SLIT3: variants seen among roughly 807,000 people sequenced by gnomAD.
SLIT3 encodes slit homolog 3 protein.
A neutral mutation model predicts 184.0 loss-of-function variants in SLIT3; 68 were observed. The observed-to-expected ratio is 0.37, with a 90% CI of 0.30 to 0.45. The LOEUF (loss-of-function observed/expected upper bound fraction) is 0.45, where lower values mean the gene tolerates loss of function less well. Ranked by LOEUF, SLIT3 falls within the 20% of genes least tolerant of loss-of-function variation. The pLI is 1.00. For synonymous variants in SLIT3, 831 were observed against 828.6 expected (o/e 1.00, Z -0.05); for missense variants, 1,707 against 2,026.0 (o/e 0.84, Z 3.02).
chr5:169,140,151 T>C (rs1761670032), intron 4 of SLIT3, among the ~76,000 whole-genome samples: 1 of 151,444 alleles, frequency 6.6e-6, no homozygotes, highest in Non-Finnish European at 1.5e-5. Context: ...CAGCTGGAGA[T>C]GGGGCGAAGG....
chr5:169,064,782 C>T (rs988634611), intron 4 of SLIT3, among the ~76,000 whole-genome samples: 1 of 152,156 alleles, frequency 6.6e-6, no homozygotes, highest in South Asian at 2.1e-4. Flanking sequence ...TAGGGATTTG[C>T]TGTTGATGAA....
intron 4 of SLIT3, among the ~76,000 whole-genome samples, chr5:169,052,355 A>ATTATTGCTCAGAGGT (rs1377909381): frequency 9.8e-5 from 15 of 152,296 alleles, no homozygotes; most frequent in African/African-American, 2.6e-4. Context: ...TGAGGCCACA[A>ATTATTGCTCAGAGGT]CAGATTTATA....
intron 4 of SLIT3, among the ~76,000 whole-genome samples, chr5:168,885,874 G>A (rs889193204): frequency 5.3e-5 from 8 of 152,194 alleles, no homozygotes; most frequent in Non-Finnish European, 7.3e-5. Flanking sequence ...TTTGCAATAC[G>A]GTGGGATGAG....
At chr5:168,724,386 A>G (rs1254402080) in intron 21 of SLIT3, 30 bp downstream of exon 21, 1 of 1,592,598 alleles carries the variant, frequency 6.3e-7, no homozygotes, top group Non-Finnish European at 8.6e-7. Flanking sequence ...AGGGAAAAAT[A>G]AACATCCCAC....
intron 5 of SLIT3, among the ~76,000 whole-genome samples, chr5:168,882,087 T>C (rs928764129): frequency 6.6e-6 from 1 of 152,208 alleles, no homozygotes; most frequent in African/African-American, 2.4e-5. Context: ...GCAGATAACC[T>C]GCATCTGGAA....
Position 168,831,294 on chromosome 5 carries a change from G to C in SLIT3, c.558-7963C>G, listed in dbSNP as rs545377466. Among the ~76,000 whole-genome samples, 82 of 151,608 alleles carry C rather than the reference G, an allele frequency of 5.4e-4. 1 individual carries two copies. The highest frequency in any genetic ancestry group is 1.1e-3 in the Non-Finnish European group (76 of 67,904). ...AGGGCATATGAGGCGGGAGGAGTGA[G>C]AGAGATTGGTGGGGGTGGGGGAGAG... On this transcript the variant is annotated intron_variant, in intron 6 of 35. Transcript: ENST00000519560.
At chr5:168,845,229 T>G (rs1758417676) in intron 5 of SLIT3, among the ~76,000 whole-genome samples, 1 of 152,180 alleles carries the variant, frequency 6.6e-6, no homozygotes, top group Non-Finnish European at 1.5e-5. Context: ...TTATAGTCTT[T>G]TTATTATTCT....
At chr5:169,075,316 T>C (rs1365716553) in intron 4 of SLIT3, among the ~76,000 whole-genome samples, 6 of 152,158 alleles carry the variant, frequency 3.9e-5, no homozygotes, top group Admixed American at 3.3e-4. Context: ...TTTTTGCATG[T>C]ATTTTTCCTG....
intron 4 of SLIT3, among the ~76,000 whole-genome samples, chr5:169,006,125 C>T (rs951795073): frequency 6.6e-6 from 1 of 152,168 alleles, no homozygotes; most frequent in South Asian, 2.1e-4. Flanking sequence ...AATCATCCTA[C>T]CAAGTGGTAA....
At chr5:168,774,162 G>T in intron 13 of SLIT3, 73 bp downstream of exon 13, 1 of 1,434,780 alleles carries the variant, frequency 7.0e-7, no homozygotes, top group East Asian at 2.3e-5. Context: ...CCTCATTTGG[G>T]TGTTTTTCAT....
chr5:168,903,847 G>A (rs1279394261), intron 4 of SLIT3, among the ~76,000 whole-genome samples: 1 of 152,128 alleles, frequency 6.6e-6, no homozygotes, highest in Non-Finnish European at 1.5e-5. Flanking sequence ...ATGTAGAATT[G>A]TTTTGTCAAA....
intron 5 of SLIT3, among the ~76,000 whole-genome samples, chr5:168,871,622 A>G (rs915426067): frequency 2.0e-5 from 3 of 152,194 alleles, no homozygotes; most frequent in Admixed American, 1.3e-4. Context: ...GGGTCATTTC[A>G]GAGCCAGGAA....
At chr5:169,153,971 CTT>C (rs1177389865) in intron 4 of SLIT3, among the ~76,000 whole-genome samples, 18 of 134,780 alleles carry the variant, frequency 1.3e-4, no homozygotes, top group Admixed American at 2.2e-4. Context: ...TGCTCCCAGC[CTT>C]TTTTTTTTTT....
chr5:169,135,503 A>T (rs544903255), intron 4 of SLIT3, among the ~76,000 whole-genome samples: 1 of 152,162 alleles, frequency 6.6e-6, no homozygotes. Context: ...CTTTCAAAAC[A>T]TGAAATAGCA....
chr5:168,756,388 G>A (rs539229885), intron 16 of SLIT3, among the ~76,000 whole-genome samples: 12 of 152,356 alleles, frequency 7.9e-5, no homozygotes, highest in Admixed American at 6.5e-4. Flanking sequence ...CCCCCAGGGT[G>A]AGGCCATGCC....
At chr5:169,273,492 G>A (rs942891974) in intron 1 of SLIT3, among the ~76,000 whole-genome samples, 6 of 152,210 alleles carry the variant, frequency 3.9e-5, no homozygotes, top group Admixed American at 3.9e-4. Flanking sequence ...AGTCTTGGCT[G>A]CAAATTAGAA....
At chr5:168,854,287 T>C (rs1758778088) in intron 5 of SLIT3, among the ~76,000 whole-genome samples, 1 of 147,038 alleles carries the variant, frequency 6.8e-6, no homozygotes, top group Admixed American at 7.1e-5. Flanking sequence ...TCAGTATTTG[T>C]CACTGGGAAC....
At chr5:168,894,217 G>T (rs1453645395) in intron 4 of SLIT3, among the ~76,000 whole-genome samples, 1 of 152,224 alleles carries the variant, frequency 6.6e-6, no homozygotes, top group Non-Finnish European at 1.5e-5. Context: ...GTTTTGGAAA[G>T]GTTGCTGGTT....
At chr5:168,771,395 G>A (rs1293454013) in intron 14 of SLIT3, among the ~76,000 whole-genome samples, 1 of 152,160 alleles carries the variant, frequency 6.6e-6, no homozygotes, top group Non-Finnish European at 1.5e-5. Flanking sequence ...GCTGTGTGGT[G>A]TGAGGACCAA....
Sources: gnomAD v4.1 joint callset for allele counts (sites outside exome capture counted in the v4.1 genomes callset) on GRCh38, gnomAD v4.1.1 for gene constraint, MANE v1.5 for transcripts, NCBI Gene and HGNC (gene_info 2026-07-23, HGNC 2026-07-21) for gene names.